Variants in TCF3 observed in about 807,000 individuals in gnomAD.
TCF3 encodes the protein transcription factor E2-alpha.
A neutral mutation model predicts 72.3 loss-of-function variants in TCF3; 54 were observed. The observed-to-expected ratio is 0.75, with a 90% CI of 0.60 to 0.94. The LOEUF (loss-of-function observed/expected upper bound fraction) is 0.94. Ranked by LOEUF, TCF3 falls within the 40% of genes least tolerant of loss-of-function variation. TCF3 has a pLI of 0.00. For synonymous variants in TCF3, 525 were observed against 412.6 expected, an observed-to-expected ratio of 1.27 and a Z score of -3.30; for missense variants, 1,078 against 934.4, an observed-to-expected ratio of 1.15 and a Z score of -2.00.
At chr19:1,622,877 T>C (rs1256519606) in intron 8 of TCF3, among the ~76,000 whole-genome samples, 1 of 152,150 alleles carries the variant, frequency 6.6e-6, no homozygotes, top group Non-Finnish European at 1.5e-5. Context: ...GGTCTGTGAG[T>C]AGCGCCAGCT....
chr19:1,651,663 C>CG (rs1343712111), intron 1 of TCF3, among the ~76,000 whole-genome samples: 1 of 151,946 alleles, frequency 6.6e-6, no homozygotes, highest in Non-Finnish European at 1.5e-5. Context: ...GCCTTTTTCC[C>CG]GGGGGGAGGC....
At chr19:1,646,716 T>C (rs1348018102) in intron 2 of TCF3, among the ~76,000 whole-genome samples, 3 of 152,214 alleles carry the variant, frequency 2.0e-5, no homozygotes, top group Admixed American at 6.5e-5. Context: ...GAAAACTCGC[T>C]GTTCCCCCTG....
At position 1,615,591 on chromosome 19, in the gene TCF3, A is replaced by G; in HGVS notation, c.1587-71T>C. The G allele has an allele frequency of 6.2e-7, 1 of 1,604,856 alleles. No individual in the cohort carries two copies. The highest frequency in any genetic ancestry group is 8.5e-7 in the Non-Finnish European group (1 of 1,179,176). On this transcript the variant is annotated intron_variant, in intron 17 of 18. Transcript: ENST00000262965. The surrounding 1 kb of genome is among the most constrained non-coding windows in gnomAD (Gnocchi z 7.3). ...TGGGGGAAGAGCGTGGGGCCCGCCG[A>G]CGGCCTCCCAGTGTGGGTGCGGTGT...
chr19:1,638,123 G>C (rs1468742453), intron 3 of TCF3, among the ~76,000 whole-genome samples: 1 of 152,162 alleles, frequency 6.6e-6, no homozygotes. Flanking sequence ...GAGATTCCTA[G>C]AAGCCGTAAC....
intron 8 of TCF3, among the ~76,000 whole-genome samples, chr19:1,623,440 G>A (rs1053247136): frequency 6.7e-6 from 1 of 149,294 alleles, no homozygotes; most frequent in Non-Finnish European, 1.5e-5. Context: ...CTGGAGGGCA[G>A]CGGCATGATC....
chr19:1,647,482 C>T (rs1300723268), intron 2 of TCF3, among the ~76,000 whole-genome samples: 12 of 152,226 alleles, frequency 7.9e-5, no homozygotes, highest in African/African-American at 2.7e-4. Flanking sequence ...GGGTTGTCCC[C>T]CACTCCCTGG....
chr19:1,651,463 T>G, intron 1 of TCF3: 1 of 224,620 alleles, frequency 4.5e-6, no homozygotes, highest in Non-Finnish European at 8.9e-6. Context: ...TTTTGAGGAC[T>G]ACGAAACCGC....
chr19:1,631,079 C>A (rs186817643), intron 5 of TCF3, among the ~76,000 whole-genome samples: 75 of 152,284 alleles, frequency 4.9e-4, no homozygotes, highest in Middle Eastern at 6.8e-3. Flanking sequence ...CTGGAATATA[C>A]CCAAGACCAG....
intron 3 of TCF3, among the ~76,000 whole-genome samples, chr19:1,643,357 A>AC (rs1372945009): frequency 1.3e-5 from 2 of 151,990 alleles, no homozygotes; most frequent in East Asian, 1.9e-4. Flanking sequence ...AGTAGCTGGG[A>AC]CCCCAAGTGT....
intron 8 of TCF3, 86 bp downstream of exon 8, chr19:1,623,865 A>G (rs2062558453): frequency 1.4e-6 from 2 of 1,406,846 alleles, no homozygotes; most frequent in African/African-American, 1.4e-5. Flanking sequence ...CCACCCCGCC[A>G]TGTGTGTTCC....
rs138456852 is a variant in TCF3, at chr19:1,621,163, G to A, written c.984C>T (p.Ser328=). The A allele has an allele frequency of 4.5e-5, 69 of 1,538,880 alleles. No individual in the cohort carries two copies. In the African/African-American group the frequency reaches 4.7e-4, roughly 10 times the overall value. The change falls in exon 12 of 19, where the codon TCC becomes TCT. Residue 328 remains serine (S), a synonymous_variant. Transcript: ENST00000262965. The stretch of plus-strand genomic sequence containing the variant: ...CCAGTGCTTTGCCGAGGGCATCCCC[G>A]GAGCTGCCAGCTGTGGTCCCTCGGG... ...LGSRGTTAGS[S]GDALGKALAS... is the part of the protein sequence containing the mutation.
At chr19:1,619,569 C>T (rs1021635382) in intron 14 of TCF3, 95 bp from the exon 15 acceptor site, 96 of 1,460,752 alleles carry the variant, frequency 6.6e-5, no homozygotes, top group Non-Finnish European at 8.3e-5. Flanking sequence ...GCCGGTGGTC[C>T]CATCTTCCCC....
At chr19:1,634,024 C>G (rs1244029818) in intron 3 of TCF3, among the ~76,000 whole-genome samples, 1 of 152,226 alleles carries the variant, frequency 6.6e-6, no homozygotes, top group Admixed American at 6.5e-5. Flanking sequence ...CCTGGAAGGC[C>G]TGGTGTGGTG....
intron 8 of TCF3, among the ~76,000 whole-genome samples, chr19:1,623,112 C>T (rs556795347): frequency 5.3e-5 from 8 of 152,220 alleles, no homozygotes; most frequent in Middle Eastern, 3.4e-3. Context: ...ACTCTAACCC[C>T]GAACCCAGGC....
At chr19:1,635,434 G>A (rs940485989) in intron 3 of TCF3, among the ~76,000 whole-genome samples, 2 of 152,014 alleles carry the variant, frequency 1.3e-5, no homozygotes, top group Non-Finnish European at 2.9e-5. Flanking sequence ...ACCGTCCTCA[G>A]GATAAAGACC....
At chr19:1,629,369 T>G (rs2063411272) in intron 5 of TCF3, among the ~76,000 whole-genome samples, 2 of 151,992 alleles carry the variant, frequency 1.3e-5, no homozygotes, top group Admixed American at 1.3e-4. Context: ...AGGCCAGGGT[T>G]CATTCGCGAA....
In TCF3 at chr19:1,611,660, G is replaced by A. The variant is rs201737116; in HGVS notation, c.*47C>T. The stretch of plus-strand genomic sequence containing the variant: ...GTCTCGAGTGGCCGTTCTGGGGCCA[G>A]AGCACAGGGCTGAAAGCGGGTGGCT... On this transcript the variant is annotated 3_prime_UTR_variant, in exon 19 of 19. Transcript: ENST00000262965. 5.7e-6 allele frequency: 9 copies of A among 1,584,452 alleles called. No homozygotes were observed. In the South Asian group the frequency reaches 1.0e-4, roughly 18 times the overall value.
chr19:1,644,476 G>C (rs1036774536), intron 3 of TCF3, among the ~76,000 whole-genome samples: 1 of 152,186 alleles, frequency 6.6e-6, no homozygotes, highest in Non-Finnish European at 1.5e-5. Flanking sequence ...GGCAAAAAAT[G>C]CAACATACTG....
intron 11 of TCF3, 50 bp from the exon 12 acceptor site, chr19:1,621,241 G>T: frequency 1.3e-6 from 2 of 1,517,186 alleles, no homozygotes; most frequent in Non-Finnish European, 1.8e-6. Flanking sequence ...GGGTGCTGCC[G>T]CCGACGGCAA....
Sources: gnomAD v4.1 joint callset for allele counts (sites outside exome capture counted in the v4.1 genomes callset) on GRCh38, gnomAD v4.1.1 for gene constraint, Gnocchi (gnomAD v3.1) non-coding constraint, MANE v1.5 for transcripts, NCBI Gene and HGNC (gene_info 2026-07-23, HGNC 2026-07-21) for gene names.